The following XKR7 variants were observed in gnomAD, a reference collection of about 807,000 sequenced individuals.
The protein encoded by XKR7 is XK related 7.
XKR7 carries 11 observed loss-of-function variants against 42.2 expected under a neutral mutation model. The observed-to-expected ratio is 0.26, with a 90% CI of 0.16 to 0.43. XKR7 has a LOEUF of 0.43. Ranked by LOEUF, XKR7 falls within the 20% of genes least tolerant of loss-of-function variation. The pLI is 1.00. For synonymous variants in XKR7, 346 were observed against 366.4 expected (o/e 0.94, Z 0.64); for missense variants, 710 against 802.2 (o/e 0.89, Z 1.39).
At chr20:31,993,620 A>C (rs942986958) in intron 1 of XKR7, among the ~76,000 whole-genome samples, 1 of 152,176 alleles carries the variant, frequency 6.6e-6, no homozygotes, top group African/African-American at 2.4e-5. Context: ...ACTTTCATTC[A>C]TTCAGCCCAT....
At chr20:31,971,355 C>A (rs1176285249) in intron 1 of XKR7, among the ~76,000 whole-genome samples, 1 of 152,176 alleles carries the variant, frequency 6.6e-6, no homozygotes, top group Non-Finnish European at 1.5e-5. Context: ...AATGTGATGA[C>A]CTTAAGAGTT....
chr20:31,993,745 T>TA (rs2064579580), intron 1 of XKR7, among the ~76,000 whole-genome samples: 1 of 152,150 alleles, frequency 6.6e-6, no homozygotes, highest in South Asian at 2.1e-4. Flanking sequence ...ACCAGGCAGT[T>TA]ACAACCCACT....
chr20:31,970,373 A>G (rs1445134554), intron 1 of XKR7: 2 of 152,208 alleles, frequency 1.3e-5, no homozygotes, highest in African/African-American at 2.4e-5. Flanking sequence ...CTTCTTTGTT[A>G]AGCATAAACT....
chr20:31,972,629 G>A (rs903670356), intron 1 of XKR7, among the ~76,000 whole-genome samples: 1 of 152,172 alleles, frequency 6.6e-6, no homozygotes, highest in African/African-American at 2.4e-5. Flanking sequence ...AGCTCAGTGG[G>A]CCCCAGCTTC....
Position 31,984,138 on chromosome 20 carries a change from G to A in XKR7, c.585-10930G>A, listed in dbSNP as rs139342177. On this transcript the variant is annotated intron_variant, in intron 1 of 2. Transcript: ENST00000562532. ...TAGCCAGGCGTGGTGGCGCACACCC[G>A]TAATCCCATCTACTTGGGAGGCTGA... Among the ~76,000 whole-genome samples, 443 of 151,532 alleles carry A rather than the reference G, an allele frequency of 2.9e-3. 1 individual carries two copies. The highest frequency in any genetic ancestry group is 9.4e-3 in the African/African-American group (387 of 41,260).
At chr20:31,992,351 G>C (rs889861720) in intron 1 of XKR7, among the ~76,000 whole-genome samples, 3 of 152,260 alleles carry the variant, frequency 2.0e-5, no homozygotes, top group African/African-American at 7.2e-5. Flanking sequence ...GTAAGCAGGA[G>C]TCCAGAAAAT....
At chr20:31,971,715 C>A (rs2064466602) in intron 1 of XKR7, among the ~76,000 whole-genome samples, 1 of 152,148 alleles carries the variant, frequency 6.6e-6, no homozygotes, top group Non-Finnish European at 1.5e-5. Flanking sequence ...TAATTATAAT[C>A]ATGAAGATAT....
At position 32,001,085 on chromosome 20, in the gene XKR7, G is replaced by A. The variant is rs2064622750; in HGVS notation, c.*3628G>A. The A allele has an allele frequency of 6.6e-6, 1 of 152,242 alleles. No individual in the cohort carries two copies. Among genetic ancestry groups the A allele is most frequent in the East Asian group, 1.9e-4 (1 of 5,202 alleles). The allele number at this position is 152,242 out of a possible 1,614,324, so 9.4% of individuals were successfully genotyped here. A position where few individuals can be genotyped will look rare whatever the true frequency, so the allele number is the denominator to read the frequency against. On this transcript the variant is annotated 3_prime_UTR_variant, in exon 3 of 3. Coordinates refer to ENST00000562532, the MANE Select transcript of XKR7 (RefSeq NM_001011718.2). ...CTCTGGATAAGGGCTGAGGGAGCTGGGAATATCCAGGGAAGGTCTCGCTTG... is the reference window on the plus strand; with the variant it reads ...CTCTGGATAAGGGCTGAGGGAGCTGAGAATATCCAGGGAAGGTCTCGCTTG...
At chr20:31,984,044 T>A (rs1332246650) in intron 1 of XKR7, among the ~76,000 whole-genome samples, 1 of 151,558 alleles carries the variant, frequency 6.6e-6, no homozygotes, top group Admixed American at 6.6e-5. Context: ...AGTGGATCCC[T>A]TGAGGTCAAG....
chr20:31,968,852 C>G lies in XKR7; in HGVS notation c.584+93C>G. 7.0e-7 allele frequency: 1 copy of G among 1,427,564 alleles called. No homozygotes were observed. The highest frequency in any genetic ancestry group is 1.5e-5 in the South Asian group (1 of 67,518). The allele number at this position is 1,427,564 out of a possible 1,614,324, so 88.4% of individuals were successfully genotyped here. ...CCAGCCCTGATCTGACCTTTCCGGG[C>G]TACCCTCCTGTCCTGACCTCCCCCC... On this transcript the variant is annotated intron_variant, in intron 1 of 2. Coordinates refer to ENST00000562532, the MANE Select transcript of XKR7 (RefSeq NM_001011718.2). This position sits in a 1 kb window ranked among gnomAD's most constrained non-coding sequence, Gnocchi z 4.5.
intron 1 of XKR7, among the ~76,000 whole-genome samples, chr20:31,975,431 A>G (rs2122252388): frequency 6.6e-6 from 1 of 151,800 alleles, no homozygotes; most frequent in Admixed American, 6.6e-5. Flanking sequence ...AACACCCAAC[A>G]CCAGTTTCCA....
chr20:31,977,696 C>T (rs2064491774), intron 1 of XKR7, among the ~76,000 whole-genome samples: 1 of 152,114 alleles, frequency 6.6e-6, no homozygotes, highest in Non-Finnish European at 1.5e-5. Flanking sequence ...CACCCACTGA[C>T]CCCCTATCGA....
rs1211814967 is a variant in XKR7, at chr20:31,997,479, AG to A, written c.*25del. On this transcript the variant is annotated 3_prime_UTR_variant, in exon 3 of 3. Coordinates refer to ENST00000562532, the MANE Select transcript of XKR7 (RefSeq NM_001011718.2). ...GTAGGCTACAGTGTCCCAGCACAAAAGGGACAGGCTTGGCTGATCCCACATC... is the reference window on the plus strand; with the variant it reads ...GTAGGCTACAGTGTCCCAGCACAAAAGGACAGGCTTGGCTGATCCCACATC... 6 of 1,567,280 alleles carry A rather than the reference AG, an allele frequency of 3.8e-6. No individual in the cohort carries two copies. The African/African-American group carries it at 5.4e-5, about 14-fold the overall frequency.
At chr20:31,991,352 C>T (rs529691057) in intron 1 of XKR7, among the ~76,000 whole-genome samples, 45 of 152,280 alleles carry the variant, frequency 3.0e-4, no homozygotes, top group East Asian at 1.7e-3. Context: ...CTAGGAAAGA[C>T]GGCCTGTGTT....
At chr20:31,992,124 AAAC>A (rs2064572949) in intron 1 of XKR7, among the ~76,000 whole-genome samples, 1 of 152,188 alleles carries the variant, frequency 6.6e-6, no homozygotes, top group South Asian at 2.1e-4. Flanking sequence ...TCTCAAAACA[AAAC>A]AAAACAAAAC....
intron 1 of XKR7, among the ~76,000 whole-genome samples, chr20:31,981,758 G>A (rs1032720500): frequency 3.9e-5 from 6 of 152,154 alleles, no homozygotes; most frequent in Non-Finnish European, 7.3e-5. Context: ...CATGGTTCAC[G>A]TCTCCACTTC....
At chr20:31,984,800 C>T (rs2064530007) in intron 1 of XKR7, among the ~76,000 whole-genome samples, 1 of 152,160 alleles carries the variant, frequency 6.6e-6, no homozygotes, top group Non-Finnish European at 1.5e-5. Context: ...CAGGGGAATC[C>T]CGTGGGATGA....
chr20:31,968,834 T>C lies in XKR7; in HGVS notation c.584+75T>C. On this transcript the variant is annotated intron_variant, in intron 1 of 2. Coordinates refer to ENST00000562532, the MANE Select transcript of XKR7 (RefSeq NM_001011718.2). This position sits in a 1 kb window ranked among gnomAD's most constrained non-coding sequence, Gnocchi z 4.5. ...GAAGGGCTACCTGACGTCCCAGCCCTGATCTGACCTTTCCGGGCTACCCTC... is the reference window on the plus strand; with the variant it reads ...GAAGGGCTACCTGACGTCCCAGCCCCGATCTGACCTTTCCGGGCTACCCTC... 1.4e-6 allele frequency: 2 copies of C among 1,433,666 alleles called. No homozygotes were observed. Among genetic ancestry groups the C allele is most frequent in the Non-Finnish European group, 1.8e-6 (2 of 1,098,166 alleles). 88.8% of individuals were successfully genotyped at this position (1,433,666 alleles called of 1,614,324 possible).
chr20:31,975,027 C>T (rs576074213), intron 1 of XKR7, among the ~76,000 whole-genome samples: 26 of 152,288 alleles, frequency 1.7e-4, no homozygotes, highest in African/African-American at 6.0e-4. Context: ...TCTATAAAGA[C>T]CACACAGGAG....
Sources: allele counts gnomAD v4.1 joint callset (sites outside exome capture counted in the v4.1 genomes callset), GRCh38; gene constraint gnomAD v4.1.1; non-coding constraint Gnocchi (gnomAD v3.1); transcripts MANE v1.5; gene names NCBI Gene and HGNC (gene_info 2026-07-23, HGNC 2026-07-21).